Variants in MAGI3 observed in about 807,000 individuals in gnomAD.
The protein encoded by MAGI3 is membrane associated guanylate kinase, WW and PDZ domain containing 3.
In MAGI3, 43 loss-of-function variants were observed where a neutral mutation model predicts 121.8. The ratio of observed to expected loss-of-function variants is 0.35; its 90% CI spans 0.28 to 0.46. The LOEUF is 0.46. Among genes scored for constraint, MAGI3 ranks in the 20% least tolerant of loss-of-function variants. The pLI is 1.00. For synonymous variants in MAGI3, 553 were observed against 639.3 expected (o/e 0.86, Z 2.04); for missense variants, 1,547 against 1,797.3 (o/e 0.86, Z 2.52).
intron 1 of MAGI3, among the ~76,000 whole-genome samples, chr1:113,510,174 T>C (rs1193279463): frequency 6.6e-6 from 1 of 152,190 alleles, no homozygotes; most frequent in Non-Finnish European, 1.5e-5. Context: ...AATTTTTAAG[T>C]ATTTTTAAAA....
intron 1 of MAGI3, among the ~76,000 whole-genome samples, chr1:113,464,297 G>A (rs936079659): frequency 1.3e-5 from 2 of 151,914 alleles, no homozygotes; most frequent in African/African-American, 4.8e-5. Flanking sequence ...ATTACCTCCC[G>A]TTTCATCCAC....
chr1:113,572,343 A>G (rs10858006), intron 2 of MAGI3, among the ~76,000 whole-genome samples: 100,061 of 152,016 alleles, frequency 0.66, 35,731 homozygotes, highest in East Asian at 0.93. Flanking sequence ...AGGGATATTG[A>G]CCTGAAACTT....
chr1:113,557,285 G>A (rs964864727), intron 2 of MAGI3, among the ~76,000 whole-genome samples: 1 of 152,154 alleles, frequency 6.6e-6, no homozygotes, highest in African/African-American at 2.4e-5. Context: ...ACTATGGACA[G>A]AGCTCTGATC....
At chr1:113,557,842 C>T (rs1427590227) in intron 2 of MAGI3, among the ~76,000 whole-genome samples, 8 of 152,188 alleles carry the variant, frequency 5.3e-5, no homozygotes, top group Admixed American at 1.3e-4. Flanking sequence ...TGGGACAGAG[C>T]TTCCAGAGGA....
intron 1 of MAGI3, among the ~76,000 whole-genome samples, chr1:113,412,735 T>C (rs1226235019): frequency 2.0e-5 from 3 of 152,150 alleles, no homozygotes; most frequent in Non-Finnish European, 2.9e-5. Context: ...TTGTTTTTTT[T>C]CTTGTAAATT....
At chr1:113,571,492 A>G (rs573237275) in intron 2 of MAGI3, among the ~76,000 whole-genome samples, 2 of 152,156 alleles carry the variant, frequency 1.3e-5, no homozygotes, top group African/African-American at 4.8e-5. Flanking sequence ...CAGTGTGGCC[A>G]TTTTCACAAT....
chr1:113,546,614 GGCAT>G, intron 1 of MAGI3, among the ~76,000 whole-genome samples: 1 of 151,748 alleles, frequency 6.6e-6, no homozygotes, highest in Non-Finnish European at 1.5e-5. Flanking sequence ...TGGGATTACA[GGCAT>G]GAGCCACCGC....
At position 113,651,036 on chromosome 1, in the gene MAGI3, C is replaced by T; in HGVS notation, c.2270C>T (p.Pro757Leu). 1 of 1,613,860 alleles carries T rather than the reference C, an allele frequency of 6.2e-7. No homozygotes were observed. The highest frequency in any genetic ancestry group is 8.5e-7 in the Non-Finnish European group (1 of 1,179,958). ...CAGATATATATTGGGGCTATTATTC[C>T]CCTGGGAGCAGCTGAGAAAGATGGT... ...DQSIYIGAII[P>L]LGAAEKDGRL... Residue 757 changes from proline (P) to leucine (L), a missense_variant, in exon 14 of 21, where the codon CCC (proline) becomes CTC (leucine). Transcript: ENST00000307546.
intron 9 of MAGI3, among the ~76,000 whole-genome samples, chr1:113,637,227 A>C (rs1452524632): frequency 6.6e-6 from 1 of 152,188 alleles, no homozygotes; most frequent in Non-Finnish European, 1.5e-5. Flanking sequence ...TAGTCCATTT[A>C]CATTTAAAGT....
intron 1 of MAGI3, among the ~76,000 whole-genome samples, chr1:113,449,390 A>G (rs1019316050): frequency 1.1e-5 from 1 of 93,950 alleles, no homozygotes; most frequent in Non-Finnish European, 2.4e-5. Flanking sequence ...TGTGTGTGTG[A>G]CAGAGAGAGA....
chr1:113,676,135 A>G (rs545593432), intron 19 of MAGI3, among the ~76,000 whole-genome samples: 9 of 151,814 alleles, frequency 5.9e-5, no homozygotes, highest in Non-Finnish European at 1.3e-4. Flanking sequence ...TCTATTGTAA[A>G]TAGTGTCACA....
chr1:113,561,306 C>A (rs1660225155), intron 2 of MAGI3, among the ~76,000 whole-genome samples: 1 of 152,072 alleles, frequency 6.6e-6, no homozygotes. Flanking sequence ...GGCAGAGATA[C>A]AACAAAAAAA....
chr1:113,653,259 T>A (rs1360342863), intron 14 of MAGI3, among the ~76,000 whole-genome samples: 1 of 152,212 alleles, frequency 6.6e-6, no homozygotes, highest in Non-Finnish European at 1.5e-5. Flanking sequence ...TTGGTCCATG[T>A]TATAAAACTT....
intron 2 of MAGI3, among the ~76,000 whole-genome samples, chr1:113,552,693 T>G (rs1440820116): frequency 6.6e-6 from 1 of 152,212 alleles, no homozygotes; most frequent in Non-Finnish European, 1.5e-5. Flanking sequence ...CTAAAATTTA[T>G]TTTGTTTCAT....
chr1:113,475,722 T>G (rs570508742), intron 1 of MAGI3, among the ~76,000 whole-genome samples: 1 of 152,274 alleles, frequency 6.6e-6, no homozygotes, highest in Non-Finnish European at 1.5e-5. Flanking sequence ...GCTTTGGTAT[T>G]AGGATCATGC....
At chr1:113,641,764 T>C (rs1324485388) in intron 9 of MAGI3, 147 bp from the exon 10 acceptor site, 2 of 598,736 alleles carry the variant, frequency 3.3e-6, no homozygotes, top group Non-Finnish European at 5.5e-6. Context: ...GGAGAAGGTC[T>C]GTGTTAGAAA....
intron 6 of MAGI3, among the ~76,000 whole-genome samples, chr1:113,600,824 A>G (rs566155272): frequency 6.6e-6 from 1 of 152,272 alleles, no homozygotes; most frequent in Admixed American, 6.5e-5. Flanking sequence ...TCAACCTACT[A>G]CAAGGCTACA....
At chr1:113,554,953 C>T (rs1285680761) in intron 2 of MAGI3, among the ~76,000 whole-genome samples, 2 of 151,728 alleles carry the variant, frequency 1.3e-5, no homozygotes, top group Non-Finnish European at 2.9e-5. Context: ...TGGTGAGACC[C>T]CATCTCTAAA....
At chr1:113,516,467 C>A (rs1362133884) in intron 1 of MAGI3, among the ~76,000 whole-genome samples, 1 of 146,696 alleles carries the variant, frequency 6.8e-6, no homozygotes, top group Non-Finnish European at 1.5e-5. Context: ...CAGAAACTAA[C>A]AGGAGAGCTC....
Sources: gnomAD v4.1 joint callset for allele counts (sites outside exome capture counted in the v4.1 genomes callset) on GRCh38, gnomAD v4.1.1 for gene constraint, MANE v1.5 for transcripts, NCBI Gene and HGNC (gene_info 2026-07-23, HGNC 2026-07-21) for gene names.